Variants in TSPEAR observed in about 807,000 individuals in gnomAD.
The protein encoded by TSPEAR is thrombospondin-type laminin G domain and EAR repeat-containing protein.
TSPEAR carries 69 observed loss-of-function variants against 71.6 expected under a neutral mutation model. The ratio of observed to expected loss-of-function variants is 0.96; its 90% CI spans 0.79 to 1.18. The LOEUF (loss-of-function observed/expected upper bound fraction) is 1.18, where lower values mean the gene tolerates loss of function less well. Among genes scored for constraint, TSPEAR ranks in the 50% most tolerant of loss-of-function variants. The pLI is 0.00. For missense variants in TSPEAR, 971 were observed against 894.9 expected (o/e 1.09, Z -1.09); for synonymous variants, 402 against 387.2 (o/e 1.04, Z -0.45).
chr21:44,601,678 G>A (rs782588410), intron 1 of TSPEAR: 18 of 1,612,510 alleles, frequency 1.1e-5, no homozygotes, highest in Middle Eastern at 1.7e-4. Context: ...TTGCCGCCCC[G>A]CATGCTCCCG....
chr21:44,691,780 A>C (rs181932772), intron 1 of TSPEAR, among the ~76,000 whole-genome samples: 1 of 152,352 alleles, frequency 6.6e-6, no homozygotes. Flanking sequence ...ATATCACCAA[A>C]CATTTTTTTA....
At chr21:44,616,372 C>T (rs1982095822) in intron 1 of TSPEAR, among the ~76,000 whole-genome samples, 1 of 152,200 alleles carries the variant, frequency 6.6e-6, no homozygotes. Flanking sequence ...CTCCCTTCTC[C>T]ACCCCACACC....
intron 1 of TSPEAR, among the ~76,000 whole-genome samples, chr21:44,608,656 C>T (rs1019149980): frequency 6.6e-6 from 1 of 152,178 alleles, no homozygotes; most frequent in East Asian, 1.9e-4. Context: ...TTTACTCATC[C>T]GGGATATGCA....
Position 44,642,811 on chromosome 21 carries a change from C to T in TSPEAR, c.82+68622G>A, listed in dbSNP as rs1984090313. 6.6e-6 allele frequency among the ~76,000 whole-genome samples: 1 copy of T among 151,662 alleles called. No homozygotes were observed. Among genetic ancestry groups the T allele is most frequent in the Admixed American group, 6.6e-5 (1 of 15,240 alleles). ...GAGCCGAGATTGTGCCACTGCACTC[C>T]AGCCTGGGCAACAGAGCGAGACTCT... On this transcript the variant is annotated intron_variant, in intron 1 of 11. Coordinates refer to ENST00000323084, the MANE Select transcript of TSPEAR (RefSeq NM_144991.3). This position sits in a 1 kb window ranked among gnomAD's most constrained non-coding sequence, Gnocchi z 4.1.
intron 9 of TSPEAR, chr21:44,518,626 A>G: frequency 2.1e-6 from 1 of 470,148 alleles, no homozygotes; most frequent in Non-Finnish European, 4.4e-6. Context: ...CTTTCCATCC[A>G]GGGTGCGCGA....
intron 1 of TSPEAR, among the ~76,000 whole-genome samples, chr21:44,653,055 G>A (rs1442904197): frequency 6.6e-6 from 1 of 152,116 alleles, no homozygotes; most frequent in Non-Finnish European, 1.5e-5. Context: ...ATACTCGGGA[G>A]GCTGAGGCAG....
chr21:44,608,537 T>C (rs1981457427), intron 1 of TSPEAR, among the ~76,000 whole-genome samples: 8 of 152,222 alleles, frequency 5.3e-5, no homozygotes, highest in Admixed American at 5.2e-4. Flanking sequence ...GAATACATAA[T>C]AAATTTCTGC....
At position 44,527,331 on chromosome 21, in the gene TSPEAR, G is replaced by T. The variant is rs587746994; in HGVS notation, c.1110C>A (p.His370Gln). 43 of 1,614,204 alleles carry T rather than the reference G, an allele frequency of 2.7e-5. No individual in the cohort carries two copies. The South Asian group carries it at 4.7e-4, about 18-fold the overall frequency. Residue 370 changes from histidine to glutamine, a missense_variant, in exon 7 of 12, where the codon CAC becomes CAA. His to Gln is a conservative substitution (Grantham distance 24, BLOSUM62 0). Transcript: ENST00000323084. ...TGAAATGCCTCCAGGCCTGTGCTTG[G>T]TGCGTGGGGATGTTCTGATATGAGA... ...KFVSYQNIPTHQAQAWRHFTI... is the reference protein window; with the variant it reads ...KFVSYQNIPTQQAQAWRHFTI...
At chr21:44,566,272 T>TA (rs1250169670) in intron 2 of TSPEAR, among the ~76,000 whole-genome samples, 21 of 152,110 alleles carry the variant, frequency 1.4e-4, no homozygotes, top group African/African-American at 4.8e-4. Context: ...AAGGAAAAAA[T>TA]ACTAGGACTA....
At chr21:44,665,200 A>C (rs985808011) in intron 1 of TSPEAR, among the ~76,000 whole-genome samples, 5 of 152,222 alleles carry the variant, frequency 3.3e-5, no homozygotes, top group Non-Finnish European at 7.3e-5. Flanking sequence ...ACCTTGCCTA[A>C]AAGATGATGA....
chr21:44,579,045 G>A (rs1383186563), intron 1 of TSPEAR, among the ~76,000 whole-genome samples: 24 of 152,288 alleles, frequency 1.6e-4, no homozygotes, highest in East Asian at 7.7e-4. Flanking sequence ...CTCTCCCCCC[G>A]CATTGCTGCT....
chr21:44,701,407 G>A (rs1265301874), intron 1 of TSPEAR, among the ~76,000 whole-genome samples: 1 of 152,224 alleles, frequency 6.6e-6, no homozygotes, highest in Non-Finnish European at 1.5e-5. Context: ...CACGGACTGG[G>A]GAGGGGGATG....
intron 1 of TSPEAR, among the ~76,000 whole-genome samples, chr21:44,651,485 C>CG (rs1368737885): frequency 1.7e-4 from 26 of 152,112 alleles, no homozygotes; most frequent in African/African-American, 4.6e-4. Context: ...CGGGTTCCTT[C>CG]GGGAGGCTGC....
intron 1 of TSPEAR, among the ~76,000 whole-genome samples, chr21:44,615,555 T>G (rs1354417051): frequency 7.1e-6 from 1 of 140,674 alleles, no homozygotes; most frequent in Non-Finnish European, 1.5e-5. Context: ...AAAGGTTTTT[T>G]TTTTTTTTTT....
At chr21:44,567,567 T>C (rs587681790) in intron 2 of TSPEAR, among the ~76,000 whole-genome samples, 40 of 152,284 alleles carry the variant, frequency 2.6e-4, no homozygotes, top group Admixed American at 2.4e-3. Context: ...ATTGCAGGAA[T>C]TGGCTGTGCA....
At chr21:44,645,260 G>A (rs587740008) in intron 1 of TSPEAR, among the ~76,000 whole-genome samples, 15 of 152,102 alleles carry the variant, frequency 9.9e-5, no homozygotes, top group Non-Finnish European at 2.2e-4. Flanking sequence ...TGGCATGGAA[G>A]AGCTGAAGAG....
intron 1 of TSPEAR, among the ~76,000 whole-genome samples, chr21:44,575,693 CAG>C (rs2146090995): frequency 6.6e-6 from 1 of 152,334 alleles, no homozygotes; most frequent in African/African-American, 2.4e-5. Context: ...CATGCTTGCC[CAG>C]AGTGTGTCCA....
chr21:44,526,008 C>T (rs587615222), intron 7 of TSPEAR, 169 bp from the exon 8 acceptor site: 5 of 609,632 alleles, frequency 8.2e-6, no homozygotes, highest in East Asian at 5.4e-5. Context: ...GTGGGGTGGG[C>T]GCAGAGCCGG....
At chr21:44,673,358 G>A (rs1986151351) in intron 1 of TSPEAR, among the ~76,000 whole-genome samples, 1 of 152,018 alleles carries the variant, frequency 6.6e-6, no homozygotes, top group Admixed American at 6.6e-5. Flanking sequence ...AAAAGCTGAG[G>A]GTATTCATCA....
Sources: allele counts gnomAD v4.1 joint callset (sites outside exome capture counted in the v4.1 genomes callset), GRCh38; gene constraint gnomAD v4.1.1; non-coding constraint Gnocchi (gnomAD v3.1); transcripts MANE v1.5; gene names NCBI Gene and HGNC (gene_info 2026-07-23, HGNC 2026-07-21).